MYO1E: variants seen among roughly 807,000 people sequenced by gnomAD.
MYO1E encodes unconventional myosin-Ie.
MYO1E carries 68 observed loss-of-function variants against 151.1 expected under a neutral mutation model. The ratio of observed to expected loss-of-function variants is 0.45; its 90% CI spans 0.37 to 0.55. MYO1E has a LOEUF of 0.55. Among genes scored for constraint, MYO1E ranks in the 20% least tolerant of loss-of-function variants. The pLI, the probability that MYO1E is intolerant of heterozygous loss-of-function variation, is 0.00. For synonymous variants in MYO1E, 601 were observed against 501.7 expected, an observed-to-expected ratio of 1.20 and a Z score of -2.64; for missense variants, 1,363 against 1,389.3, an observed-to-expected ratio of 0.98 and a Z score of 0.30.
intron 15 of MYO1E, 118 bp downstream of exon 15, chr15:59,205,282 C>G (rs2079826097): frequency 2.0e-6 from 2 of 1,001,776 alleles, no homozygotes; most frequent in African/African-American, 1.6e-5. Flanking sequence ...CCTGCCTTAG[C>G]CTCCTGAGTA....
In MYO1E at chr15:59,132,933, A is replaced by G. The variant is rs1206839837; in HGVS notation, c.*4447T>C. 1 of 152,226 alleles carries G rather than the reference A, an allele frequency of 6.6e-6. No homozygotes were observed. Among genetic ancestry groups the G allele is most frequent in the African/African-American group, 2.4e-5 (1 of 41,450 alleles). The allele number at this position is 152,226 out of a possible 1,614,324, so 9.4% of individuals were successfully genotyped here. ...GCTCCTGCCCATTAAAGGAGCTTAC[A>G]AGTTTCTAGCTGTTGAGTTTTATGC... On this transcript the variant is annotated 3_prime_UTR_variant, in exon 28 of 28. Transcript: ENST00000288235.
intron 25 of MYO1E, among the ~76,000 whole-genome samples, chr15:59,156,906 A>G (rs1393247376): frequency 6.6e-6 from 1 of 152,118 alleles, no homozygotes; most frequent in South Asian, 2.1e-4. Flanking sequence ...GAGTGTCTGG[A>G]TATGTCAGTT....
chr15:59,189,356 G>A (rs1338744065), intron 17 of MYO1E, among the ~76,000 whole-genome samples: 1 of 151,988 alleles, frequency 6.6e-6, no homozygotes, highest in African/African-American at 2.4e-5. Context: ...ACTGTACTCG[G>A]CGTGTTTCTT....
At chr15:59,224,973 T>A in intron 7 of MYO1E, 150 bp from the exon 8 acceptor site, 1 of 1,019,002 alleles carries the variant, frequency 9.8e-7, no homozygotes, top group Non-Finnish European at 1.5e-6. Flanking sequence ...GTACTTGTAG[T>A]AGCCCCAGGT....
chr15:59,134,109 T>G lies in MYO1E; in HGVS notation c.*3271A>C, dbSNP rs1362501662. ...CCCCCTTGAGTTGAGGCCACATGAC[T>G]AAGCTCTGGCCAGCAGAATATTGGT... On this transcript the variant is annotated 3_prime_UTR_variant, in exon 28 of 28. Coordinates refer to ENST00000288235, the MANE Select transcript of MYO1E (RefSeq NM_004998.4). 6.6e-6 allele frequency: 1 copy of G among 152,304 alleles called. No homozygotes were observed. Among genetic ancestry groups the G allele is most frequent in the African/African-American group, 2.4e-5 (1 of 41,450 alleles). The allele number at this position is 152,304 out of a possible 1,614,324, so 9.4% of individuals were successfully genotyped here.
At chr15:59,357,065 C>G (rs1312567644) in intron 1 of MYO1E, among the ~76,000 whole-genome samples, 1 of 152,058 alleles carries the variant, frequency 6.6e-6, no homozygotes, top group Non-Finnish European at 1.5e-5. Context: ...ACCACCACAC[C>G]CAGCTAATTC....
At chr15:59,147,429 G>T (rs780542706) in intron 26 of MYO1E, among the ~76,000 whole-genome samples, 1 of 151,722 alleles carries the variant, frequency 6.6e-6, no homozygotes, top group East Asian at 1.9e-4. Context: ...GCGAAACCCC[G>T]TCCCTACTAA....
intron 1 of MYO1E, among the ~76,000 whole-genome samples, chr15:59,320,150 A>G (rs1179249106): frequency 1.3e-5 from 2 of 152,190 alleles, no homozygotes; most frequent in African/African-American, 4.8e-5. Flanking sequence ...ACTACAAAAC[A>G]CTGTTGAAAG....
At position 59,134,054 on chromosome 15, in the gene MYO1E, G is replaced by A. The variant is rs1239176430; in HGVS notation, c.*3326C>T. 3 of 152,292 alleles carry A rather than the reference G, an allele frequency of 2.0e-5. No individual in the cohort carries two copies. The highest frequency in any genetic ancestry group is 4.4e-5 in the Non-Finnish European group (3 of 68,076). The allele number at this position is 152,292 out of a possible 1,614,324, so 9.4% of individuals were successfully genotyped here. On this transcript the variant is annotated 3_prime_UTR_variant, in exon 28 of 28. Transcript: ENST00000288235. ...GTCACTCTGGTGCTCTGGGTAAGCT[G>A]CTGAGACAGCTCTGTGCAGAGACCT... is the stretch of plus-strand genomic sequence containing the variant.
At chr15:59,206,690 T>C (rs1373464089) in intron 14 of MYO1E, 3 of 525,226 alleles carry the variant, frequency 5.7e-6, no homozygotes, top group African/African-American at 3.8e-5. Context: ...TTGATAATAC[T>C]CTTAGCAAAA....
At chr15:59,323,639 G>A (rs1596417304) in intron 1 of MYO1E, among the ~76,000 whole-genome samples, 1 of 151,624 alleles carries the variant, frequency 6.6e-6, no homozygotes, top group African/African-American at 2.4e-5. Context: ...CTGGGTGACA[G>A]AATGAGACTC....
intron 15 of MYO1E, among the ~76,000 whole-genome samples, chr15:59,203,609 C>T (rs1437789783): frequency 1.3e-5 from 2 of 152,114 alleles, no homozygotes; most frequent in African/African-American, 2.4e-5. Flanking sequence ...CTCTTGACCT[C>T]GTGATCCACC....
At chr15:59,147,871 C>A (rs1277088167) in intron 26 of MYO1E, among the ~76,000 whole-genome samples, 6 of 152,068 alleles carry the variant, frequency 3.9e-5, no homozygotes, top group African/African-American at 1.4e-4. Context: ...CCATTCCCCG[C>A]ATTACAGCCA....
At chr15:59,304,620 T>C (rs190329161) in intron 1 of MYO1E, among the ~76,000 whole-genome samples, 7 of 152,222 alleles carry the variant, frequency 4.6e-5, no homozygotes, top group South Asian at 2.1e-4. Flanking sequence ...CAGCATAACT[T>C]TTTTTTCAAG....
intron 12 of MYO1E, among the ~76,000 whole-genome samples, chr15:59,211,491 AC>A (rs138097626): frequency 0.034 from 5,181 of 152,110 alleles, 299 homozygotes; most frequent in African/African-American, 0.12. Context: ...TTTAAATACC[AC>A]CTACAGGCTA....
At chr15:59,298,051 T>A (rs1174304209) in intron 1 of MYO1E, among the ~76,000 whole-genome samples, 1 of 152,214 alleles carries the variant, frequency 6.6e-6, no homozygotes, top group Non-Finnish European at 1.5e-5. Flanking sequence ...AGGTACATGA[T>A]ATTTGTAGGT....
intron 2 of MYO1E, among the ~76,000 whole-genome samples, chr15:59,264,563 T>C (rs768566936): frequency 2.0e-5 from 3 of 152,238 alleles, no homozygotes; most frequent in Non-Finnish European, 4.4e-5. Flanking sequence ...ACTTGTTGTT[T>C]ATCTGAAATT....
At chr15:59,139,529 CCCT>C (rs1395358788) in intron 26 of MYO1E, among the ~76,000 whole-genome samples, 45 of 145,832 alleles carry the variant, frequency 3.1e-4, no homozygotes, top group Non-Finnish European at 7.5e-5. Flanking sequence ...CCCTCCTACC[CCCT>C]CATTATTACT....
At chr15:59,231,822 A>C (rs2080030176) in intron 5 of MYO1E, 31 bp from the exon 6 acceptor site, 2 of 1,606,356 alleles carry the variant, frequency 1.2e-6, no homozygotes, top group Admixed American at 1.7e-5. Context: ...GAGGTTAGGA[A>C]GGTGTGAACA....
Sources: gnomAD v4.1 joint callset for allele counts (sites outside exome capture counted in the v4.1 genomes callset) on GRCh38, gnomAD v4.1.1 for gene constraint, MANE v1.5 for transcripts, NCBI Gene and HGNC (gene_info 2026-07-23, HGNC 2026-07-21) for gene names.